The following NCOA6 variants were observed in gnomAD, a reference collection of about 807,000 sequenced individuals.
The protein encoded by NCOA6 is nuclear receptor coactivator 6.
A neutral mutation model predicts 171.4 loss-of-function variants in NCOA6; 49 were observed. The ratio of observed to expected loss-of-function variants is 0.29; its 90% CI spans 0.23 to 0.36. The LOEUF (loss-of-function observed/expected upper bound fraction) is 0.36. Among genes scored for constraint, NCOA6 ranks in the 10% least tolerant of loss-of-function variants. The pLI, the probability that NCOA6 is intolerant of heterozygous loss-of-function variation, is 1.00. For missense variants in NCOA6, 2,248 were observed against 2,554.5 expected (o/e 0.88, Z 2.59); for synonymous variants, 910 against 927.5 (o/e 0.98, Z 0.34).
intron 2 of NCOA6, among the ~76,000 whole-genome samples, chr20:34,787,197 T>C (rs1017819322): frequency 2.0e-5 from 3 of 151,594 alleles, no homozygotes; most frequent in African/African-American, 2.4e-5. Flanking sequence ...TCCTCCAATC[T>C]GTCTCCAGAC....
intron 1 of NCOA6, among the ~76,000 whole-genome samples, chr20:34,804,232 G>A (rs2078365034): frequency 1.3e-5 from 2 of 151,488 alleles, no homozygotes; most frequent in African/African-American, 4.9e-5. Context: ...AGCTATTCAG[G>A]AGGCTAAGGC....
intron 6 of NCOA6, 123 bp from the exon 7 acceptor site, chr20:34,758,227 C>T: frequency 7.9e-7 from 1 of 1,266,076 alleles, no homozygotes; most frequent in South Asian, 1.5e-5. Context: ...AAAATAAATG[C>T]TTGTGAATAC....
chr20:34,761,906 G>A (rs1234207703), intron 5 of NCOA6, among the ~76,000 whole-genome samples: 2 of 151,900 alleles, frequency 1.3e-5, no homozygotes, highest in South Asian at 2.1e-4. Context: ...TGCCTGTCTC[G>A]GCCTCCCAAA....
intron 1 of NCOA6, among the ~76,000 whole-genome samples, chr20:34,822,717 C>A (rs2079044351): frequency 6.6e-6 from 1 of 152,130 alleles, no homozygotes; most frequent in Admixed American, 6.5e-5. Context: ...TAAACGTTTG[C>A]TGAATGGAAG....
At chr20:34,765,789 A>C (rs1397421060) in intron 5 of NCOA6, among the ~76,000 whole-genome samples, 2 of 152,202 alleles carry the variant, frequency 1.3e-5, no homozygotes, top group African/African-American at 4.8e-5. Flanking sequence ...ATAGTGTTGA[A>C]GTTGAGAAAC....
chr20:34,802,051 C>T (rs1410581084), intron 1 of NCOA6, among the ~76,000 whole-genome samples: 2 of 152,080 alleles, frequency 1.3e-5, no homozygotes, highest in Non-Finnish European at 2.9e-5. Context: ...TTCTACAAGG[C>T]CAATATTACC....
At chr20:34,808,572 G>A (rs2078542061) in intron 1 of NCOA6, among the ~76,000 whole-genome samples, 1 of 151,632 alleles carries the variant, frequency 6.6e-6, no homozygotes, top group African/African-American at 2.4e-5. Flanking sequence ...CCGAGTATCT[G>A]GGAGTAAAGG....
intron 4 of NCOA6, among the ~76,000 whole-genome samples, chr20:34,773,898 C>A (rs1056205745): frequency 2.0e-5 from 3 of 152,218 alleles, no homozygotes; most frequent in African/African-American, 7.2e-5. Context: ...CACTTTCACT[C>A]CTGCTGAATT....
At chr20:34,792,286 C>T (rs1418692105) in intron 2 of NCOA6, among the ~76,000 whole-genome samples, 164 bp downstream of exon 2, 4 of 151,202 alleles carry the variant, frequency 2.6e-5, no homozygotes, top group Non-Finnish European at 5.9e-5. Flanking sequence ...GTAAAAACCC[C>T]ATTTAAAAAC....
intron 12 of NCOA6, among the ~76,000 whole-genome samples, chr20:34,733,271 CT>C (rs951143875): frequency 6.6e-6 from 1 of 152,194 alleles, no homozygotes; most frequent in Non-Finnish European, 1.5e-5. Flanking sequence ...GTAGTTCCAT[CT>C]TTTCCAAAAG....
intron 4 of NCOA6, among the ~76,000 whole-genome samples, chr20:34,772,729 C>T (rs767764204): frequency 2.0e-5 from 3 of 152,072 alleles, no homozygotes; most frequent in Admixed American, 6.6e-5. Flanking sequence ...AGAAATGCAA[C>T]CTGTCATGAA....
At position 34,749,666 on chromosome 20, in the gene NCOA6, TC is replaced by T; in HGVS notation, c.2528del (p.Gly843GlufsTer40). ...ACATCCCATGGCCTGAGAAGTGGTT[TC>T]CCGAGGCACTGTTTCCCTGCATGGC... The part of the protein sequence containing the change: ...VQAMQGNSAS[G>X]NHFSGHGMSF... On this transcript the variant is annotated frameshift_variant, in exon 9 of 15. Transcript: ENST00000359003. LOFTEE classifies it high-confidence loss of function. The T allele has an allele frequency of 6.2e-7, 1 of 1,614,234 alleles. No individual in the cohort carries two copies. Among genetic ancestry groups the T allele is most frequent in the African/African-American group, 1.3e-5 (1 of 75,060 alleles).
chr20:34,740,381 C>T lies in NCOA6; in HGVS notation c.5875G>A (p.Glu1959Lys), dbSNP rs1217679315. Reference protein sequence around the residue: ...LVEEKVGSHPELLPSIAPSQN... With the variant: ...LVEEKVGSHPKLLPSIAPSQN... ...TACATACCTATGCTGGGTAGAAGTT[C>T]TGGATGGGATCCCACCTTCTCCTCC... The change falls in exon 11 of 15, where the codon GAA becomes AAA. Residue 1959 changes from glutamate to lysine, a missense_variant. Physicochemically the swap from Glu to Lys is moderately conservative, Grantham distance 56 (BLOSUM62 1). Coordinates refer to ENST00000359003, the MANE Select transcript of NCOA6 (RefSeq NM_014071.5). The T allele has an allele frequency of 6.2e-7, 1 of 1,613,884 alleles. No individual in the cohort carries two copies. The highest frequency in any genetic ancestry group is 1.3e-5 in the African/African-American group (1 of 74,922).
At chr20:34,738,624 C>T (rs1751786455) in intron 11 of NCOA6, among the ~76,000 whole-genome samples, 1 of 152,222 alleles carries the variant, frequency 6.6e-6, no homozygotes, top group South Asian at 2.1e-4. Context: ...ATCTCTCTAA[C>T]ACTGAGGTGA....
chr20:34,814,049 G>T (rs1433740179), intron 1 of NCOA6, among the ~76,000 whole-genome samples: 2 of 152,100 alleles, frequency 1.3e-5, no homozygotes, highest in Admixed American at 6.5e-5. Context: ...TGTAAAATAG[G>T]GCTGGGCATG....
chr20:34,812,199 G>A (rs565765337), intron 1 of NCOA6, among the ~76,000 whole-genome samples: 1 of 152,030 alleles, frequency 6.6e-6, no homozygotes, highest in South Asian at 2.1e-4. Context: ...GTTGCAGTGA[G>A]CTGAGATTGC....
intron 11 of NCOA6, among the ~76,000 whole-genome samples, chr20:34,740,053 C>T (rs2076082840): frequency 1.3e-5 from 2 of 152,048 alleles, no homozygotes; most frequent in African/African-American, 4.8e-5. Flanking sequence ...AGTACAGATG[C>T]AGTTTCACCA....
At chr20:34,825,321 G>A (rs1225399728) in intron 1 of NCOA6, among the ~76,000 whole-genome samples, 151 bp downstream of exon 1, 1 of 151,008 alleles carries the variant, frequency 6.6e-6, no homozygotes, top group East Asian at 2.0e-4. Flanking sequence ...GCTCCGGGCC[G>A]GGCCCGCTCT....
At position 34,757,732 on chromosome 20, in the gene NCOA6, G is replaced by C. The variant is rs748475535; in HGVS notation, c.1016C>G (p.Thr339Ser). Residue 339 changes from threonine (T) to serine (S), a missense_variant, in exon 7 of 15, where the codon ACT becomes AGT. Physicochemically the swap from Thr to Ser is moderately conservative, Grantham distance 58 (BLOSUM62 1). This residue lies in a region of NCOA6 where 987 missense variants were observed against 1,104.7 expected (regional missense o/e 0.89). Transcript: ENST00000359003. Reference protein sequence around the residue: ...PPAQGSLGTMTANQGWKKAPL... With the variant: ...PPAQGSLGTMSANQGWKKAPL... ...AGCCTTCTTCCACCCTTGGTTTGCA[G>C]TCATTGTGCCCAGAGAACCCTGGGC... The C allele has an allele frequency of 1.2e-6, 2 of 1,614,194 alleles. No individual in the cohort carries two copies. The highest frequency in any genetic ancestry group is 1.1e-5 in the South Asian group (1 of 91,082).
Sources: gnomAD v4.1 joint callset for allele counts (sites outside exome capture counted in the v4.1 genomes callset) on GRCh38, gnomAD v4.1.1 for gene constraint, gnomAD v4.1.1 regional missense constraint, MANE v1.5 for transcripts, NCBI Gene and HGNC (gene_info 2026-07-23, HGNC 2026-07-21) for gene names.